CDC42BPA: variants seen among roughly 807,000 people sequenced by gnomAD.
CDC42BPA encodes the protein serine/threonine-protein kinase MRCK alpha.
Under a neutral mutation model 223.5 loss-of-function variants are expected in CDC42BPA, and 80 were observed. That is an observed-to-expected ratio of 0.36 (90% CI 0.30 to 0.43). The LOEUF is 0.43. Among genes scored for constraint, CDC42BPA ranks in the 20% least tolerant of loss-of-function variants. The pLI, the probability that CDC42BPA is intolerant of heterozygous loss-of-function variation, is 1.00. For missense variants in CDC42BPA, 1,743 were observed against 2,099.9 expected (o/e 0.83, Z 3.32); for synonymous variants, 694 against 718.6 (o/e 0.97, Z 0.55).
At chr1:227,293,622 T>C (rs1319454574) in intron 1 of CDC42BPA, among the ~76,000 whole-genome samples, 3 of 150,612 alleles carry the variant, frequency 2.0e-5, no homozygotes, top group Non-Finnish European at 4.4e-5. Flanking sequence ...GGTCGGGAGT[T>C]TGAGACCAGC....
chr1:227,203,110 C>A (rs925656040), intron 3 of CDC42BPA, among the ~76,000 whole-genome samples: 1 of 152,142 alleles, frequency 6.6e-6, no homozygotes, highest in Non-Finnish European at 1.5e-5. Context: ...TTACTACCAT[C>A]CCCTAGCACC....
At chr1:227,247,863 C>G (rs1040089298) in intron 2 of CDC42BPA, among the ~76,000 whole-genome samples, 1 of 152,118 alleles carries the variant, frequency 6.6e-6, no homozygotes, top group African/African-American at 2.4e-5. Context: ...ACCTGGGTGA[C>G]AGAGTGTGAC....
intron 30 of CDC42BPA, 82 bp downstream of exon 30, chr1:227,028,575 T>C: frequency 1.1e-6 from 1 of 920,726 alleles, no homozygotes; most frequent in Non-Finnish European, 1.6e-6. Context: ...TTATCAACAA[T>C]GACAACATTT....
At chr1:227,162,866 A>ATGTGTGTGTGTGTGTG (rs71574598) in intron 5 of CDC42BPA, among the ~76,000 whole-genome samples, 8,382 of 127,084 alleles carry the variant, frequency 0.066, 328 homozygotes, top group African/African-American at 0.1. Flanking sequence ...AAATAAATAT[A>ATGTGTGTGTGTGTGTG]TATGTGTGTG....
chr1:227,019,582 T>C (rs1249355536), intron 32 of CDC42BPA, among the ~76,000 whole-genome samples: 2 of 152,230 alleles, frequency 1.3e-5, no homozygotes, highest in Non-Finnish European at 2.9e-5. Flanking sequence ...GTGGCAGCTA[T>C]GGCCTTATGA....
intron 21 of CDC42BPA, among the ~76,000 whole-genome samples, chr1:227,060,178 CCCA>C (rs1345992375): frequency 6.6e-6 from 1 of 151,646 alleles, no homozygotes; most frequent in Admixed American, 6.6e-5. Context: ...ATTACAGGTG[CCCA>C]CCACCACGCC....
intron 17 of CDC42BPA, 72 bp from the exon 18 acceptor site, chr1:227,074,436 T>C: frequency 9.2e-7 from 1 of 1,091,038 alleles, no homozygotes. Flanking sequence ...ATTTTAAAGC[T>C]TCCTAAAGAA....
At chr1:227,142,406 G>T (rs1393133485) in intron 9 of CDC42BPA, among the ~76,000 whole-genome samples, 1 of 152,120 alleles carries the variant, frequency 6.6e-6, no homozygotes, top group Non-Finnish European at 1.5e-5. Context: ...CTGCTTCATT[G>T]GTAAGGATTA....
At chr1:227,021,272 C>G (rs143801463) in intron 32 of CDC42BPA, among the ~76,000 whole-genome samples, 1 of 152,152 alleles carries the variant, frequency 6.6e-6, no homozygotes, top group Non-Finnish European at 1.5e-5. Context: ...AAACCTGCGA[C>G]TTGTAAACAA....
At chr1:227,306,231 T>C (rs1183721694) in intron 1 of CDC42BPA, among the ~76,000 whole-genome samples, 2 of 151,452 alleles carry the variant, frequency 1.3e-5, no homozygotes, top group East Asian at 3.9e-4. Flanking sequence ...AATAAGGAAG[T>C]TGTTATTGCT....
At chr1:227,144,488 C>T (rs1385186200) in intron 8 of CDC42BPA, among the ~76,000 whole-genome samples, 4 of 136,160 alleles carry the variant, frequency 2.9e-5, no homozygotes, top group African/African-American at 5.6e-5. Flanking sequence ...GGCAGGAGAA[C>T]GGCGTGAACC....
intron 34 of CDC42BPA, among the ~76,000 whole-genome samples, chr1:227,012,511 A>C (rs1014563443): frequency 6.6e-6 from 1 of 152,122 alleles, no homozygotes; most frequent in African/African-American, 2.4e-5. Flanking sequence ...TGTTTCAAGA[A>C]CATCTTGCAC....
In CDC42BPA at chr1:227,284,440, G is replaced by A. The variant is rs75591508; in HGVS notation, c.179-30285C>T. On this transcript the variant is annotated intron_variant, in intron 1 of 36. Coordinates refer to ENST00000366766, the MANE Select transcript of CDC42BPA (RefSeq NM_001394014.1). ...TTTCCAGTGAACCACATGTAAGTCC[G>A]TAAGCTTTAAATCTGAGGCCCAGCA... is the stretch of plus-strand genomic sequence containing the variant. 4.0e-4 allele frequency among the ~76,000 whole-genome samples: 61 copies of A among 152,134 alleles called. No homozygotes were observed. The East Asian group carries it at 4.4e-3, about 11-fold the overall frequency.
At chr1:227,286,259 C>T (rs1688782231) in intron 1 of CDC42BPA, among the ~76,000 whole-genome samples, 1 of 152,194 alleles carries the variant, frequency 6.6e-6, no homozygotes, top group Admixed American at 6.5e-5. Context: ...TATTTGATCA[C>T]AGGCTGTTAG....
intron 3 of CDC42BPA, among the ~76,000 whole-genome samples, chr1:227,202,800 C>A (rs72755321): frequency 0.17 from 25,275 of 149,720 alleles, 2,276 homozygotes; most frequent in Non-Finnish European, 0.19. Flanking sequence ...TGGTGGCATG[C>A]ACCTCTGTAG....
chr1:227,194,285 C>T (rs975642513), intron 4 of CDC42BPA, among the ~76,000 whole-genome samples: 7 of 152,072 alleles, frequency 4.6e-5, no homozygotes, highest in African/African-American at 1.4e-4. Context: ...ACCCCCTCCC[C>T]CAAAAAAACA....
intron 5 of CDC42BPA, among the ~76,000 whole-genome samples, chr1:227,166,540 C>G (rs2149870963): frequency 6.6e-6 from 1 of 152,304 alleles, no homozygotes; most frequent in Non-Finnish European, 1.5e-5. Context: ...TTGACCAAGA[C>G]TATAGCTTGG....
At chr1:227,252,574 C>T (rs757387437) in intron 2 of CDC42BPA, among the ~76,000 whole-genome samples, 6 of 152,078 alleles carry the variant, frequency 3.9e-5, no homozygotes, top group African/African-American at 1.2e-4. Context: ...CTGATCAGAA[C>T]ATTCGAAGTA....
intron 23 of CDC42BPA, among the ~76,000 whole-genome samples, chr1:227,042,634 G>C (rs1027936166): frequency 3.3e-5 from 5 of 152,148 alleles, no homozygotes; most frequent in African/African-American, 1.2e-4. Context: ...TATAAAGAAA[G>C]ACACAGGAAT....
Sources: gnomAD v4.1 joint callset for allele counts (sites outside exome capture counted in the v4.1 genomes callset) on GRCh38, gnomAD v4.1.1 for gene constraint, MANE v1.5 for transcripts, NCBI Gene and HGNC (gene_info 2026-07-23, HGNC 2026-07-21) for gene names.